The following RSBN1 variants were observed in gnomAD, a reference collection of about 807,000 sequenced individuals.
RSBN1 encodes round spermatid basic protein 1.
Under a neutral mutation model 74.8 loss-of-function variants are expected in RSBN1, and 23 were observed. That is an observed-to-expected ratio of 0.31 (90% CI 0.22 to 0.44). The LOEUF (loss-of-function observed/expected upper bound fraction) is 0.44. RSBN1 is among the 20% of genes least tolerant of loss of function. The probability of loss-of-function intolerance (pLI) is 1.00; values close to 1 mark genes in which losing one functional copy is unlikely to be tolerated. For synonymous variants in RSBN1, 407 were observed against 379.6 expected (o/e 1.07, Z -0.84); for missense variants, 808 against 1,020.9 (o/e 0.79, Z 2.84).
At chr1:113,769,608 A>C (rs1052364163) in intron 4 of RSBN1, among the ~76,000 whole-genome samples, 5 of 152,216 alleles carry the variant, frequency 3.3e-5, no homozygotes, top group African/African-American at 1.2e-4. Context: ...ATGATAGTGA[A>C]TAAGAAGCAA....
At chr1:113,810,513 G>A (rs923431791) in intron 1 of RSBN1, among the ~76,000 whole-genome samples, 5 of 152,048 alleles carry the variant, frequency 3.3e-5, no homozygotes, top group Non-Finnish European at 7.4e-5. Context: ...CTTGCCACAA[G>A]TTCTACTCCC....
chr1:113,802,555 T>C (rs1051525144), intron 1 of RSBN1, among the ~76,000 whole-genome samples: 3 of 152,206 alleles, frequency 2.0e-5, no homozygotes, highest in Admixed American at 6.5e-5. Context: ...AATCATTGTA[T>C]GTTTTTAACA....
At chr1:113,803,475 G>C (rs1343948675) in intron 1 of RSBN1, among the ~76,000 whole-genome samples, 1 of 152,182 alleles carries the variant, frequency 6.6e-6, no homozygotes, top group East Asian at 1.9e-4. Context: ...GAATGAGATA[G>C]CATATCTTTT....
intron 2 of RSBN1, among the ~76,000 whole-genome samples, chr1:113,778,113 A>G (rs1660064947): frequency 6.6e-6 from 1 of 152,154 alleles, no homozygotes; most frequent in African/African-American, 2.4e-5. Flanking sequence ...AATATTTTAG[A>G]GTGTGATCTT....
chr1:113,798,186 G>C (rs1660511514), intron 1 of RSBN1, 150 bp from the exon 2 acceptor site: 1 of 639,400 alleles, frequency 1.6e-6, no homozygotes, highest in Non-Finnish European at 2.6e-6. Context: ...ATGAGACAGA[G>C]ATCTTAAATA....
chr1:113,784,708 G>A lies in RSBN1; in HGVS notation c.1378-6900C>T, dbSNP rs190651921. Among the ~76,000 whole-genome samples the A allele has an allele frequency of 1.2e-3, 184 of 152,334 alleles. 4 individuals carry two copies. The South Asian group carries it at 0.037, about 31-fold the overall frequency. On this transcript the variant is annotated intron_variant, in intron 2 of 6. Transcript: ENST00000261441. ...TGCTATTATAGCTTGCTGCAGCCAG[G>A]TTTTTAACAGGCCACAGACCAGTAC... is the stretch of plus-strand genomic sequence containing the variant.
At chr1:113,769,627 A>C (rs1434231639) in intron 4 of RSBN1, among the ~76,000 whole-genome samples, 1 of 152,228 alleles carries the variant, frequency 6.6e-6, no homozygotes, top group Non-Finnish European at 1.5e-5. Flanking sequence ...AACAAAGGAA[A>C]TGAATTAATG....
Position 113,797,495 on chromosome 1 carries a change from C to A in RSBN1, c.1245G>T (p.Val415=). ...KNAAYYALAI[V]HGAAAYLPDF... is the part of the protein sequence containing the mutation. ...CTGGGAGATAAGCAGCCGCTCCATG[C>A]ACTATTGCTAAAGCATAGTAAGCAG... Residue 415 remains valine, a synonymous_variant, in exon 2 of 7, where the codon GTG becomes GTT. Coordinates refer to ENST00000261441, the MANE Select transcript of RSBN1 (RefSeq NM_018364.5). The A allele has an allele frequency of 6.2e-7, 1 of 1,614,048 alleles. No homozygotes were observed. Among genetic ancestry groups the A allele is most frequent in the African/African-American group, 1.3e-5 (1 of 75,058 alleles).
chr1:113,812,146 G>A lies in RSBN1; in HGVS notation c.267C>T (p.Arg89=), dbSNP rs745352901. The A allele has an allele frequency of 3.0e-5, 49 of 1,609,648 alleles. No individual in the cohort carries two copies. Among genetic ancestry groups the A allele is most frequent in the Admixed American group, 1.7e-4 (10 of 59,982 alleles). The change falls in exon 1 of 7, where the codon CGC becomes CGT. Residue 89 remains arginine (R), a synonymous_variant. Coordinates refer to ENST00000261441, the MANE Select transcript of RSBN1 (RefSeq NM_018364.5). ...CCTGAGACCCCCCACTGCTAGATCG[G>A]CGCTGCCGTTTAACTCCCCGCGGGG... ...GVSPRGVKRQ[R]RSSSGGSQEK... is the part of the protein sequence containing the mutation.
chr1:113,776,425 G>C (rs539742640), intron 4 of RSBN1, among the ~76,000 whole-genome samples: 3 of 152,178 alleles, frequency 2.0e-5, no homozygotes, highest in Non-Finnish European at 4.4e-5. Context: ...GGATCTTGTC[G>C]TGGAGTCCTG....
chr1:113,769,745 C>T (rs965055324), intron 4 of RSBN1, among the ~76,000 whole-genome samples: 1 of 152,136 alleles, frequency 6.6e-6, no homozygotes, highest in Admixed American at 6.5e-5. Context: ...AAGAAGGGAT[C>T]AGCAGCCAAA....
At chr1:113,782,007 T>C (rs1345539962) in intron 2 of RSBN1, among the ~76,000 whole-genome samples, 1 of 152,194 alleles carries the variant, frequency 6.6e-6, no homozygotes. Context: ...TAGCTCCATA[T>C]TACCTGTAGC....
chr1:113,784,596 C>T (rs1236369463), intron 2 of RSBN1, among the ~76,000 whole-genome samples: 2 of 152,150 alleles, frequency 1.3e-5, no homozygotes, highest in Admixed American at 6.5e-5. Flanking sequence ...CTAGATCCCT[C>T]GCATGCACAA....
At chr1:113,782,353 T>A (rs997083903) in intron 2 of RSBN1, among the ~76,000 whole-genome samples, 1 of 152,118 alleles carries the variant, frequency 6.6e-6, no homozygotes, top group Non-Finnish European at 1.5e-5. Flanking sequence ...GATTTGGAAA[T>A]TGTCTATAAC....
chr1:113,803,523 A>G (rs1006270259), intron 1 of RSBN1, among the ~76,000 whole-genome samples: 9 of 152,222 alleles, frequency 5.9e-5, no homozygotes, highest in Non-Finnish European at 2.9e-5. Flanking sequence ...CATTGGTAAA[A>G]CCGGAGGAAA....
chr1:113,774,888 TTAAA>T (rs1223765543), intron 4 of RSBN1, among the ~76,000 whole-genome samples: 23 of 152,100 alleles, frequency 1.5e-4, no homozygotes, highest in African/African-American at 5.6e-4. Flanking sequence ...CAAGAATTGG[TTAAA>T]TAAATCTTGA....
At chr1:113,808,398 T>C (rs190482187) in intron 1 of RSBN1, among the ~76,000 whole-genome samples, 3 of 152,256 alleles carry the variant, frequency 2.0e-5, no homozygotes, top group African/African-American at 7.2e-5. Flanking sequence ...ACAGACAATG[T>C]TTTTTTGAAA....
intron 4 of RSBN1, among the ~76,000 whole-genome samples, chr1:113,773,959 C>T (rs1314141712): frequency 3.3e-5 from 5 of 151,976 alleles, no homozygotes; most frequent in South Asian, 2.1e-4. Context: ...GCCGAGATCG[C>T]GCCACTGCAC....
chr1:113,809,807 G>A lies in RSBN1; in HGVS notation c.703+1903C>T, dbSNP rs1660794737. Among the ~76,000 whole-genome samples, 6 of 152,126 alleles carry A rather than the reference G, an allele frequency of 3.9e-5. No individual in the cohort carries two copies. In the South Asian group the frequency reaches 1.2e-3, roughly 31 times the overall value. On this transcript the variant is annotated intron_variant, in intron 1 of 6. Coordinates refer to ENST00000261441, the MANE Select transcript of RSBN1 (RefSeq NM_018364.5). ...TATGTGACTAATTATAAATTAATTA[G>A]AATTAAATAAAATCAAAATTTCAGT... is the stretch of plus-strand genomic sequence containing the variant.
Sources: gnomAD v4.1 joint callset for allele counts (sites outside exome capture counted in the v4.1 genomes callset) on GRCh38, gnomAD v4.1.1 for gene constraint, MANE v1.5 for transcripts, NCBI Gene and HGNC (gene_info 2026-07-23, HGNC 2026-07-21) for gene names.